The following PLCE1 variants were observed in gnomAD, a reference collection of about 807,000 sequenced individuals.
The protein encoded by PLCE1 is phospholipase C epsilon 1.
A neutral mutation model predicts 242.8 loss-of-function variants in PLCE1; 119 were observed. That is an observed-to-expected ratio of 0.49 (90% CI 0.42 to 0.57). The LOEUF is 0.57. Among genes scored for constraint, PLCE1 ranks in the 20% least tolerant of loss-of-function variants. The pLI, the probability that PLCE1 is intolerant of heterozygous loss-of-function variation, is 0.00. For synonymous variants in PLCE1, 945 were observed against 1,017.4 expected, an observed-to-expected ratio of 0.93 and a Z score of 1.35; for missense variants, 2,441 against 2,788.8, an observed-to-expected ratio of 0.88 and a Z score of 2.81.
intron 20 of PLCE1, 120 bp from the exon 21 acceptor site, chr10:94,283,670 G>A (rs1009921889): frequency 1.8e-6 from 2 of 1,094,422 alleles, no homozygotes; most frequent in African/African-American, 1.6e-5. Context: ...ATACTATATA[G>A]TTAGAGCCTC....
At position 94,234,264 on chromosome 10, in the gene PLCE1, T is replaced by A. The variant is rs1052362705; in HGVS notation, c.2166T>A (p.Gly722=). The part of the protein sequence containing the change: ...ELCEVLDGAS[G]LMKLCPRYNS... Reference sequence around the variant, plus strand: ...GTGAAGTGCTTGACGGCGCCTCCGGTCTCATGAAGCTTTGCCCGCGGTACA... The same window carrying A: ...GTGAAGTGCTTGACGGCGCCTCCGGACTCATGAAGCTTTGCCCGCGGTACA... Residue 722 remains glycine, a synonymous_variant, in exon 6 of 33, where the codon GGT becomes GGA. Transcript: ENST00000371380. 6.2e-7 allele frequency: 1 copy of A among 1,614,086 alleles called. No homozygotes were observed. Among genetic ancestry groups the A allele is most frequent in the Middle Eastern group, 1.7e-4 (1 of 6,058 alleles).
At chr10:94,081,548 A>G (rs1368539167) in intron 2 of PLCE1, among the ~76,000 whole-genome samples, 1 of 152,236 alleles carries the variant, frequency 6.6e-6, no homozygotes, top group African/African-American at 2.4e-5. Context: ...GCAGTTGAGT[A>G]TATTTCTTCC....
chr10:94,032,192 G>A lies in PLCE1; in HGVS notation c.1146G>A (p.Pro382=), dbSNP rs769644679. Residue 382 remains proline (P), a synonymous_variant, in exon 2 of 33, where the codon CCG becomes CCA. Coordinates refer to ENST00000371380, the MANE Select transcript of PLCE1 (RefSeq NM_016341.4). ...CTTGTGGGAGAGTAATGGAACCCCC[G>A]TCAACAGTGGAGATAAGGCAAGATG... ...LLPCGRVMEP[P]STVEIRQDGS... is the part of the protein sequence containing the mutation. 3.2e-5 allele frequency: 52 copies of A among 1,612,660 alleles called. No individual in the cohort carries two copies. The highest frequency in any genetic ancestry group is 2.3e-4 in the Admixed American group (14 of 59,792).
At chr10:94,169,056 T>G (rs558243222) in intron 3 of PLCE1, among the ~76,000 whole-genome samples, 1 of 152,340 alleles carries the variant, frequency 6.6e-6, no homozygotes, top group South Asian at 2.1e-4. Context: ...TAGTCTCCAT[T>G]TTTTGTTACA....
intron 2 of PLCE1, among the ~76,000 whole-genome samples, chr10:94,037,180 AT>A (rs1159237850): frequency 6.6e-6 from 1 of 151,274 alleles, no homozygotes; most frequent in South Asian, 2.1e-4. Context: ...CTAACAGGCA[AT>A]TTTTTTTTAG....
chr10:94,302,742 G>A (rs915908200), intron 24 of PLCE1, among the ~76,000 whole-genome samples: 4 of 152,168 alleles, frequency 2.6e-5, no homozygotes, highest in African/African-American at 9.7e-5. Context: ...CCATAAAAAT[G>A]GAGATACTAA....
intron 11 of PLCE1, among the ~76,000 whole-genome samples, chr10:94,255,910 ACACACTCTCTCTCT>A (rs1406899329): frequency 1.1e-4 from 10 of 92,054 alleles, no homozygotes; most frequent in African/African-American, 2.7e-4. Flanking sequence ...ACACACACAC[ACACACTCTCTCTCT>A]CTCTCTCTCT....
At chr10:94,037,165 T>G (rs1488310648) in intron 2 of PLCE1, among the ~76,000 whole-genome samples, 1 of 152,156 alleles carries the variant, frequency 6.6e-6, no homozygotes, top group African/African-American at 2.4e-5. Context: ...AACAGAAAAT[T>G]AAACCTAACA....
In PLCE1 at chr10:94,279,877, C is replaced by T. The variant is rs531683918; in HGVS notation, c.4761C>T (p.Asp1587=). The T allele has an allele frequency of 8.7e-5, 141 of 1,613,458 alleles. No individual in the cohort carries two copies. Among genetic ancestry groups the T allele is most frequent in the Admixed American group, 1.2e-4 (7 of 59,972 alleles). Reference sequence around the variant, plus strand: ...ATGAGGAAGAGGAAGATGAGGAGGACGAATATGATTATGACTATGAATCCC... The same window carrying T: ...ATGAGGAAGAGGAAGATGAGGAGGATGAATATGATTATGACTATGAATCCC... ...ANNEEEEDEE[D]EYDYDYESLS... is the part of the protein sequence containing the mutation. The change falls in exon 20 of 33, where the codon GAC becomes GAT. Residue 1587 remains aspartate (D), a synonymous_variant. Coordinates refer to ENST00000371380, the MANE Select transcript of PLCE1 (RefSeq NM_016341.4).
chr10:94,142,467 T>C (rs1246734123), intron 3 of PLCE1, among the ~76,000 whole-genome samples: 5 of 152,086 alleles, frequency 3.3e-5, no homozygotes, highest in African/African-American at 1.2e-4. Flanking sequence ...TGCAGTGCGC[T>C]ATGATCCTGC....
chr10:94,031,768 C>G lies in PLCE1; in HGVS notation c.722C>G (p.Ala241Gly). ...TATACCTGTAAACTGATGGAATTGG[C>G]CAAAAATTGTGATAATAAGAATGAG... ...VAYTCKLMEL[A>G]KNCDNKNEQL... Residue 241 changes from alanine to glycine, a missense_variant, in exon 2 of 33, where the codon GCC becomes GGC. This residue lies in a region of PLCE1 where 393 missense variants were observed against 378.5 expected (regional missense o/e 1.04). Coordinates refer to ENST00000371380, the MANE Select transcript of PLCE1 (RefSeq NM_016341.4). 6.2e-7 allele frequency: 1 copy of G among 1,613,600 alleles called. No homozygotes were observed. Among genetic ancestry groups the G allele is most frequent in the Non-Finnish European group, 8.5e-7 (1 of 1,179,820 alleles).
At chr10:94,153,914 T>C (rs1281618503) in intron 3 of PLCE1, among the ~76,000 whole-genome samples, 1 of 152,256 alleles carries the variant, frequency 6.6e-6, no homozygotes, top group Non-Finnish European at 1.5e-5. Context: ...ATTCATGAAA[T>C]GGAAGATTTA....
intron 2 of PLCE1, among the ~76,000 whole-genome samples, chr10:94,124,675 TGTTTA>T (rs1483394976): frequency 6.6e-6 from 1 of 152,228 alleles, no homozygotes; most frequent in African/African-American, 2.4e-5. Context: ...ACTCAATATT[TGTTTA>T]TTTAAATTGA....
At chr10:94,265,600 T>G (rs372934156) in intron 14 of PLCE1, 47 bp from the exon 15 acceptor site, 4 of 1,499,622 alleles carry the variant, frequency 2.7e-6, no homozygotes, top group Non-Finnish European at 3.7e-6. Flanking sequence ...TTTCCCCCTC[T>G]TAGTTTCCTT....
chr10:94,233,019 A>G (rs61886331), intron 5 of PLCE1, among the ~76,000 whole-genome samples: 2 of 152,154 alleles, frequency 1.3e-5, no homozygotes, highest in Non-Finnish European at 2.9e-5. Context: ...CTCTCCCACA[A>G]TTCCCCCCAG....
chr10:94,216,721 A>G (rs777341504), intron 4 of PLCE1, among the ~76,000 whole-genome samples: 6 of 152,090 alleles, frequency 3.9e-5, no homozygotes, highest in Non-Finnish European at 7.4e-5. Flanking sequence ...AATTTTAGAT[A>G]CATGACAGAA....
intron 3 of PLCE1, among the ~76,000 whole-genome samples, chr10:94,137,484 AAG>A (rs2046820340): frequency 2.0e-5 from 1 of 50,220 alleles, no homozygotes; most frequent in Non-Finnish European, 6.6e-5. Flanking sequence ...AAGTGATGAC[AAG>A]AGGATTTTTC....
At chr10:94,244,344 A>G (rs2050605922) in intron 7 of PLCE1, among the ~76,000 whole-genome samples, 1 of 152,122 alleles carries the variant, frequency 6.6e-6, no homozygotes, top group Non-Finnish European at 1.5e-5. Flanking sequence ...CTCCTTCACA[A>G]TTTTACTCAC....
At chr10:94,081,472 C>G (rs990452804) in intron 2 of PLCE1, among the ~76,000 whole-genome samples, 2 of 152,094 alleles carry the variant, frequency 1.3e-5, no homozygotes, top group African/African-American at 4.8e-5. Flanking sequence ...TACATTTTAA[C>G]CTTTCATTCA....
Sources: allele counts gnomAD v4.1 joint callset (sites outside exome capture counted in the v4.1 genomes callset), GRCh38; gene constraint gnomAD v4.1.1; regional missense constraint gnomAD v4.1.1; transcripts MANE v1.5; gene names NCBI Gene and HGNC (gene_info 2026-07-23, HGNC 2026-07-21).